Variants in PTPRN2 observed in about 807,000 individuals in gnomAD.
The protein encoded by PTPRN2 is protein tyrosine phosphatase receptor type N2.
Under a neutral mutation model 118.8 loss-of-function variants are expected in PTPRN2, and 74 were observed. That is an observed-to-expected ratio of 0.62 (90% CI 0.52 to 0.76). The LOEUF is 0.76. Ranked by LOEUF, PTPRN2 falls within the 30% of genes least tolerant of loss-of-function variation. The pLI is 0.00. For missense variants in PTPRN2, 1,481 were observed against 1,394.4 expected (o/e 1.06, Z -0.99); for synonymous variants, 641 against 608.0 (o/e 1.05, Z -0.80).
At position 158,206,811 on chromosome 7, in the gene PTPRN2, A is replaced by AT. The variant is rs941403588; in HGVS notation, c.278-1539dup. 3.3e-5 allele frequency among the ~76,000 whole-genome samples: 5 copies of AT among 149,472 alleles called. No homozygotes were observed. The East Asian group carries it at 7.9e-4, about 24-fold the overall frequency. On this transcript the variant is annotated intron_variant, in intron 3 of 22. Transcript: ENST00000389418. Reference sequence around the variant, plus strand: ...TTTCTTTTTTTTTTTTAATTTATTTATTTTTTATTATTATACTTTAAGTTT... The same window carrying AT: ...TTTCTTTTTTTTTTTTAATTTATTTATTTTTTTATTATTATACTTTAAGTTT...
Position 158,134,031 on chromosome 7 carries a change from C to T in PTPRN2, c.1202G>A (p.Gly401Asp). The change falls in exon 9 of 23, where the codon GGC becomes GAC. Residue 401 changes from glycine (G) to aspartate (D), a missense_variant. This residue lies in a region of PTPRN2 where 1,115 missense variants were observed against 994.2 expected (regional missense o/e 1.12). Transcript: ENST00000389418. Reference protein sequence around the residue: ...EVHRLSATLGGLLQDHGSRLL... With the variant: ...EVHRLSATLGDLLQDHGSRLL... ...TCGAGACCCGTGGTCCTGCAGGAGG[C>T]CCCCGAGTGTGGCACTCAGACGATG... The T allele has an allele frequency of 1.2e-6, 2 of 1,613,612 alleles. No homozygotes were observed. The highest frequency in any genetic ancestry group is 1.7e-6 in the Non-Finnish European group (2 of 1,179,832).
chr7:158,472,734 C>T (rs146078154), intron 2 of PTPRN2, among the ~76,000 whole-genome samples: 79 of 152,304 alleles, frequency 5.2e-4, no homozygotes, highest in South Asian at 2.9e-3. Flanking sequence ...AGCAGACCAA[C>T]GTCCCAAGAA....
At position 157,660,528 on chromosome 7, in the gene PTPRN2, T is replaced by G. The variant is rs201550019; in HGVS notation, c.2002-3977A>C. Among the ~76,000 whole-genome samples, 9 of 152,348 alleles carry G rather than the reference T, an allele frequency of 5.9e-5. No individual in the cohort carries two copies. The East Asian group carries it at 1.7e-3, about 29-fold the overall frequency. ...ACCTCTAAAGGTCTCTAAGCCTATTTTTTCACTTTATAAATGGAGATAATC... is the reference window on the plus strand; with the variant it reads ...ACCTCTAAAGGTCTCTAAGCCTATTGTTTCACTTTATAAATGGAGATAATC... On this transcript the variant is annotated intron_variant, in intron 13 of 22. Coordinates refer to ENST00000389418, the MANE Select transcript of PTPRN2 (RefSeq NM_002847.5).
intron 12 of PTPRN2, among the ~76,000 whole-genome samples, chr7:157,840,287 CCGTGTGACTGTGTGACTGTGTGGCCA>C (rs1563160400): frequency 4.6e-5 from 6 of 131,498 alleles, no homozygotes; most frequent in Non-Finnish European, 9.4e-5. Context: ...GACTGTGTGA[CCGTGTGACTGTGTGACTGTGTGGCCA>C]CGTGTGACTG....
chr7:158,560,329 G>A (rs1827295272), intron 1 of PTPRN2, among the ~76,000 whole-genome samples: 1 of 152,392 alleles, frequency 6.6e-6, no homozygotes, highest in African/African-American at 2.4e-5. Flanking sequence ...TTTCAGGTAT[G>A]TATGTACCCA....
intron 12 of PTPRN2, among the ~76,000 whole-genome samples, chr7:157,818,903 C>T (rs1005228564): frequency 2.0e-5 from 3 of 152,098 alleles, no homozygotes; most frequent in Non-Finnish European, 4.4e-5. Flanking sequence ...ACACACCCCT[C>T]CTCTGAAACC....
intron 11 of PTPRN2, among the ~76,000 whole-genome samples, chr7:158,073,394 C>A (rs1053266163): frequency 5.3e-5 from 8 of 152,174 alleles, no homozygotes. Flanking sequence ...TGGGCCCATG[C>A]GTTGGCTTCA....
intron 11 of PTPRN2, among the ~76,000 whole-genome samples, chr7:158,075,047 C>A (rs976409069): frequency 1.3e-5 from 2 of 151,792 alleles, no homozygotes; most frequent in Non-Finnish European, 2.9e-5. Flanking sequence ...GTGTTGTCTG[C>A]GCTCAGGGTA....
intron 1 of PTPRN2, among the ~76,000 whole-genome samples, chr7:158,494,722 G>A (rs899339442): frequency 1.3e-5 from 2 of 152,144 alleles, no homozygotes; most frequent in African/African-American, 2.4e-5. Flanking sequence ...CAACGGGAAC[G>A]CCAGGACCCC....
At chr7:158,021,451 T>G (rs1030394889) in intron 11 of PTPRN2, among the ~76,000 whole-genome samples, 5 of 151,984 alleles carry the variant, frequency 3.3e-5, no homozygotes, top group Admixed American at 3.3e-4. Context: ...AATAGATACA[T>G]AAATGTGTGT....
At chr7:157,792,397 C>A in intron 12 of PTPRN2, among the ~76,000 whole-genome samples, 1 of 152,250 alleles carries the variant, frequency 6.6e-6, no homozygotes, top group African/African-American at 2.4e-5. Context: ...TTTGCTGTGG[C>A]TCTGGCGGAC....
At chr7:157,783,114 G>A (rs937510576) in intron 12 of PTPRN2, among the ~76,000 whole-genome samples, 24 of 152,284 alleles carry the variant, frequency 1.6e-4, no homozygotes, top group Admixed American at 9.2e-4. Flanking sequence ...CTGCCGCCAC[G>A]TGAAGAAGAA....
At chr7:158,260,394 G>C (rs970703969) in intron 3 of PTPRN2, among the ~76,000 whole-genome samples, 1 of 152,164 alleles carries the variant, frequency 6.6e-6, no homozygotes, top group African/African-American at 2.4e-5. Context: ...ATACACAAAA[G>C]TTTGCTTTAT....
At chr7:158,189,714 TTACTG>T (rs1341467854) in intron 5 of PTPRN2, among the ~76,000 whole-genome samples, 4 of 152,344 alleles carry the variant, frequency 2.6e-5, no homozygotes, top group Admixed American at 2.6e-4. Flanking sequence ...GTGGGTTACT[TTACTG>T]ATCATTCACT....
chr7:158,107,885 G>A (rs1032432528), intron 10 of PTPRN2, among the ~76,000 whole-genome samples: 1 of 142,464 alleles, frequency 7.0e-6, no homozygotes, highest in African/African-American at 2.6e-5. Context: ...CACACCGTCT[G>A]CCCACAGCAG....
intron 12 of PTPRN2, among the ~76,000 whole-genome samples, chr7:157,753,850 A>G (rs1801629357): frequency 6.6e-6 from 1 of 150,622 alleles, no homozygotes; most frequent in African/African-American, 2.5e-5. Context: ...GTTCCTTGCC[A>G]GGCAAGAACC....
At chr7:158,455,863 C>A in intron 2 of PTPRN2, among the ~76,000 whole-genome samples, 1 of 149,404 alleles carries the variant, frequency 6.7e-6, no homozygotes, top group South Asian at 2.2e-4. Flanking sequence ...AACATAACAG[C>A]ACGGATGCCA....
intron 13 of PTPRN2, among the ~76,000 whole-genome samples, chr7:157,664,340 C>T (rs550899830): frequency 6.6e-5 from 10 of 152,358 alleles, no homozygotes; most frequent in South Asian, 2.1e-4. Flanking sequence ...AGCCGCTGCC[C>T]GTATCACCTG....
At chr7:158,363,804 C>T (rs1178306627) in intron 2 of PTPRN2, among the ~76,000 whole-genome samples, 2 of 152,128 alleles carry the variant, frequency 1.3e-5, no homozygotes, top group Non-Finnish European at 2.9e-5. Flanking sequence ...TGGGTCTCCA[C>T]GGATGCCTCT....
Sources: allele counts gnomAD v4.1 joint callset (sites outside exome capture counted in the v4.1 genomes callset), GRCh38; gene constraint gnomAD v4.1.1; regional missense constraint gnomAD v4.1.1; transcripts MANE v1.5; gene names NCBI Gene and HGNC (gene_info 2026-07-23, HGNC 2026-07-21).